Variants in MACROD1 observed in about 807,000 individuals in gnomAD.
MACROD1 encodes mono-ADP ribosylhydrolase 1.
MACROD1 carries 31 observed loss-of-function variants against 41.4 expected under a neutral mutation model. That is an observed-to-expected ratio of 0.75 (90% CI 0.56 to 1.01). The LOEUF (loss-of-function observed/expected upper bound fraction) is 1.01, where lower values mean the gene tolerates loss of function less well. MACROD1 is among the 50% of genes least tolerant of loss of function. MACROD1 has a pLI of 0.00. For missense variants in MACROD1, 473 were observed against 460.0 expected (o/e 1.03, Z -0.26); for synonymous variants, 252 against 203.4 (o/e 1.24, Z -2.03).
chr11:64,102,753 T>C (rs1033249307), intron 3 of MACROD1, among the ~76,000 whole-genome samples: 2 of 152,028 alleles, frequency 1.3e-5, no homozygotes, highest in Admixed American at 6.6e-5. Flanking sequence ...CCCCGGCTCA[T>C]AGGCAAGTGG....
Position 64,118,100 on chromosome 11 carries a change from C to T in MACROD1, c.517+33139G>A, listed in dbSNP as rs147439962. On this transcript the variant is annotated intron_variant, in intron 3 of 10. Transcript: ENST00000255681. ...CAGGGACCAAGAAGGATAACTCCAT[C>T]CTGGAAATCCGCGGCCCTGGGCTGC... is the stretch of plus-strand genomic sequence containing the variant. 7.4e-3 allele frequency: 11,893 copies of T among 1,611,510 alleles called. 59 individuals carry two copies. The highest frequency in any genetic ancestry group is 8.0e-3 in the Non-Finnish European group (9,457 of 1,178,120).
chr11:64,015,161 G>T, intron 4 of MACROD1, 91 bp downstream of exon 4: 2 of 1,346,014 alleles, frequency 1.5e-6, no homozygotes, highest in Non-Finnish European at 2.0e-6. Flanking sequence ...ATTGCAGTGA[G>T]ATGGGCACCG....
intron 3 of MACROD1, among the ~76,000 whole-genome samples, chr11:64,063,577 T>C (rs2134443827): frequency 6.6e-6 from 1 of 152,292 alleles, no homozygotes; most frequent in Admixed American, 6.5e-5. Flanking sequence ...ATGCGGCCTC[T>C]TCCCCGGCGT....
rs1283677689 is a variant in MACROD1, at chr11:64,111,456, T to C, written c.517+39783A>G. ...CCTGTGCTACCTACCTGCTCATAAG[T>C]GGCTTGAGGCAGGACCTCCGGCTCC... On this transcript the variant is annotated intron_variant, in intron 3 of 10. Transcript: ENST00000255681. 2.6e-5 allele frequency among the ~76,000 whole-genome samples: 4 copies of C among 152,200 alleles called. No homozygotes were observed. In the East Asian group the frequency reaches 7.7e-4, roughly 29 times the overall value.
chr11:64,134,301 C>A (rs776580917), intron 3 of MACROD1, among the ~76,000 whole-genome samples: 8 of 152,156 alleles, frequency 5.3e-5, no homozygotes, highest in Non-Finnish European at 1.2e-4. Flanking sequence ...CCCCTGGCAC[C>A]AGTCATGAGG....
At position 64,044,251 on chromosome 11, in the gene MACROD1, C is replaced by CTT. The variant is rs34174027; in HGVS notation, c.518-28972_518-28971dup. Among the ~76,000 whole-genome samples the CTT allele has an allele frequency of 1.9e-3, 261 of 140,434 alleles. 1 individual carries two copies. The highest frequency in any genetic ancestry group is 6.1e-3 in the African/African-American group (233 of 38,158). The allele number at this position is 140,434 out of a possible 152,430, so 92.1% of individuals were successfully genotyped here. On this transcript the variant is annotated intron_variant, in intron 3 of 10. Coordinates refer to ENST00000255681, the MANE Select transcript of MACROD1 (RefSeq NM_014067.4). Reference sequence around the variant, plus strand: ...TGGTGGTTGGCAGTTCCCCCAACAACTTTTTTTTTTTTTTTTTTGAGATGG... The same window carrying CTT: ...TGGTGGTTGGCAGTTCCCCCAACAACTTTTTTTTTTTTTTTTTTTTGAGATGG...
chr11:64,025,493 TCA>T (rs1182741314), intron 3 of MACROD1, among the ~76,000 whole-genome samples: 1 of 152,138 alleles, frequency 6.6e-6, no homozygotes, highest in Non-Finnish European at 1.5e-5. Flanking sequence ...TGAATCAACC[TCA>T]CAAAACAGCA....
intron 1 of MACROD1, among the ~76,000 whole-genome samples, chr11:64,152,939 C>T (rs923026860): frequency 3.9e-5 from 6 of 152,338 alleles, no homozygotes; most frequent in Non-Finnish European, 8.8e-5. Context: ...ACATCCCCCC[C>T]GGCAGCGGCT....
chr11:64,017,026 G>A (rs1285719203), intron 3 of MACROD1, among the ~76,000 whole-genome samples: 1 of 152,192 alleles, frequency 6.6e-6, no homozygotes, highest in South Asian at 2.1e-4. Flanking sequence ...CTGGAGTGCA[G>A]TGGCACCATC....
chr11:64,051,479 G>T (rs1034521960), intron 3 of MACROD1, among the ~76,000 whole-genome samples: 4 of 152,192 alleles, frequency 2.6e-5, no homozygotes, highest in African/African-American at 9.7e-5. Flanking sequence ...GTTGTGGGGC[G>T]GGGGCACCCT....
At chr11:64,132,911 A>T (rs898499166) in intron 3 of MACROD1, among the ~76,000 whole-genome samples, 17 of 152,224 alleles carry the variant, frequency 1.1e-4, no homozygotes, top group Non-Finnish European at 2.2e-4. Flanking sequence ...AGATCTAAGC[A>T]GCTTGCCCAA....
chr11:64,134,750 C>T (rs550226896), intron 3 of MACROD1, among the ~76,000 whole-genome samples: 1 of 152,340 alleles, frequency 6.6e-6, no homozygotes, highest in East Asian at 1.9e-4. Context: ...TGATTACTTG[C>T]GAAGTTCTGC....
intron 3 of MACROD1, among the ~76,000 whole-genome samples, chr11:64,046,504 C>G (rs1014186348): frequency 1.3e-5 from 2 of 152,172 alleles, no homozygotes; most frequent in South Asian, 4.1e-4. Flanking sequence ...TGGGACCCTG[C>G]GCTGTGCTCC....
intron 3 of MACROD1, among the ~76,000 whole-genome samples, chr11:64,144,849 A>T (rs1721895446): frequency 6.6e-6 from 1 of 152,274 alleles, no homozygotes; most frequent in Admixed American, 6.5e-5. Flanking sequence ...ATTTACGGCG[A>T]CAGTTCAGCG....
intron 3 of MACROD1, among the ~76,000 whole-genome samples, chr11:64,099,989 C>CCGT (rs1399776473): frequency 6.6e-6 from 1 of 152,126 alleles, no homozygotes; most frequent in African/African-American, 2.4e-5. Flanking sequence ...GGTGGATGGT[C>CCGT]CGTTTCTCTT....
At chr11:64,134,651 C>G (rs969022762) in intron 3 of MACROD1, among the ~76,000 whole-genome samples, 5 of 152,150 alleles carry the variant, frequency 3.3e-5, no homozygotes, top group Non-Finnish European at 7.4e-5. Context: ...GCCTCCCCGG[C>G]TGCGCCACAC....
At chr11:64,118,429 T>C (rs749175783) in intron 3 of MACROD1, 1 of 1,116,520 alleles carries the variant, frequency 9.0e-7, no homozygotes, top group Non-Finnish European at 1.2e-6. Flanking sequence ...AAAGCAAAGT[T>C]TGGGGAGGGC....
chr11:64,022,504 A>G (rs1943170867), intron 3 of MACROD1, among the ~76,000 whole-genome samples: 1 of 152,126 alleles, frequency 6.6e-6, no homozygotes, highest in African/African-American at 2.4e-5. Context: ...GTTCTTGGAA[A>G]TCGATGCCCC....
intron 3 of MACROD1, among the ~76,000 whole-genome samples, chr11:64,143,004 C>G (rs1204201473): frequency 6.6e-6 from 1 of 151,808 alleles, no homozygotes; most frequent in Non-Finnish European, 1.5e-5. Flanking sequence ...GTCCCTGCTA[C>G]TCAGGATGCT....
Sources: allele counts gnomAD v4.1 joint callset (sites outside exome capture counted in the v4.1 genomes callset), GRCh38; gene constraint gnomAD v4.1.1; transcripts MANE v1.5; gene names NCBI Gene and HGNC (gene_info 2026-07-23, HGNC 2026-07-21).